Variants in OLFM2 observed in about 807,000 individuals in gnomAD.
OLFM2 encodes olfactomedin 2, also known as noelin-2.
OLFM2 carries 20 observed loss-of-function variants against 43.9 expected under a neutral mutation model. The ratio of observed to expected loss-of-function variants is 0.46; its 90% CI spans 0.32 to 0.66. The LOEUF (loss-of-function observed/expected upper bound fraction) is 0.66, where lower values mean the gene tolerates loss of function less well. Ranked by LOEUF, OLFM2 falls within the 30% of genes least tolerant of loss-of-function variation. OLFM2 has a pLI of 0.04. For synonymous variants in OLFM2, 268 were observed against 278.6 expected (o/e 0.96, Z 0.38); for missense variants, 416 against 643.6 (o/e 0.65, Z 3.83).
At chr19:9,911,926 T>G (rs2046830578) in intron 1 of OLFM2, among the ~76,000 whole-genome samples, 1 of 152,168 alleles carries the variant, frequency 6.6e-6, no homozygotes, top group African/African-American at 2.4e-5. Flanking sequence ...CATGCAATCT[T>G]GTAACACAGG....
chr19:9,936,397 C>T lies in OLFM2; in HGVS notation c.-31G>A, dbSNP rs1355754921. ...GCCCCTAGCCCGGCGTCCCGACCCC[C>T]GCCCGCCCTAGCGGCGCCTCGGCGC... On this transcript the variant is annotated 5_prime_UTR_variant, in exon 1 of 6. Coordinates refer to ENST00000264833, the MANE Select transcript of OLFM2 (RefSeq NM_058164.4). The T allele has an allele frequency of 8.1e-6, 11 of 1,360,036 alleles. No individual in the cohort carries two copies. Among genetic ancestry groups the T allele is most frequent in the South Asian group, 1.6e-5 (1 of 60,890 alleles). 84.2% of individuals were successfully genotyped at this position (1,360,036 alleles called of 1,614,324 possible). A position where few individuals can be genotyped will look rare whatever the true frequency, so the allele number is the denominator to read the frequency against.
chr19:9,854,262 T>C lies in OLFM2; in HGVS notation c.1289A>G (p.Tyr430Cys). ...CACCTGGTGGCCGTTGTTCCAGGTA[T>C]AGAGGGCGCGCTCCCGGGGGTTGTA... ...LDYNPRERAL[Y>C]TWNNGHQVLY... The change falls in exon 6 of 6, where the codon TAT becomes TGT. Residue 430 changes from tyrosine to cysteine, a missense_variant. Transcript: ENST00000264833. The surrounding 1 kb of genome is among the most constrained non-coding windows in gnomAD (Gnocchi z 9.5). The C allele has an allele frequency of 6.2e-7, 1 of 1,613,946 alleles. No homozygotes were observed. Among genetic ancestry groups the C allele is most frequent in the Non-Finnish European group, 8.5e-7 (1 of 1,179,998 alleles).
chr19:9,888,781 A>C (rs1163891768), intron 1 of OLFM2, among the ~76,000 whole-genome samples: 4 of 151,848 alleles, frequency 2.6e-5, no homozygotes, highest in Non-Finnish European at 4.4e-5. Context: ...TATTTTTAAA[A>C]TTCTGCCGGG....
In OLFM2 at chr19:9,888,901, C is replaced by A. The variant is rs577945247; in HGVS notation, c.64-28107G>T. ...CTAACACGGTGAAACCCCGTCTCTA[C>A]TAAAAATGTAAAAAATTAGCCGGGC... On this transcript the variant is annotated intron_variant, in intron 1 of 5. Transcript: ENST00000264833. Among the ~76,000 whole-genome samples, 575 of 152,004 alleles carry A rather than the reference C, an allele frequency of 3.8e-3. 5 individuals are homozygous for A. The highest frequency in any genetic ancestry group is 0.013 in the African/African-American group (550 of 41,502).
At chr19:9,921,107 T>C (rs747865622) in intron 1 of OLFM2, among the ~76,000 whole-genome samples, 1 of 152,116 alleles carries the variant, frequency 6.6e-6, no homozygotes, top group East Asian at 1.9e-4. Context: ...CTTTTGTTTG[T>C]TTTGGGATTT....
intron 1 of OLFM2, among the ~76,000 whole-genome samples, chr19:9,918,979 T>G (rs1364023551): frequency 6.6e-6 from 1 of 152,114 alleles, no homozygotes; most frequent in Non-Finnish European, 1.5e-5. Context: ...GAAAAGTCAC[T>G]CAATTGCACG....
intron 1 of OLFM2, chr19:9,913,653 C>T (rs1334983354): frequency 8.4e-7 from 1 of 1,196,704 alleles, no homozygotes; most frequent in South Asian, 2.3e-5. Context: ...CCGCCCGCCG[C>T]GCGTCCCTTC....
intron 1 of OLFM2, among the ~76,000 whole-genome samples, chr19:9,879,125 T>G (rs115626561): frequency 6.6e-6 from 1 of 152,118 alleles, no homozygotes; most frequent in Admixed American, 6.6e-5. Context: ...TGAGTTCTTA[T>G]GAGATCTCGC....
intron 1 of OLFM2, among the ~76,000 whole-genome samples, chr19:9,902,901 C>G (rs572532621): frequency 1.3e-5 from 2 of 150,848 alleles, no homozygotes; most frequent in Non-Finnish European, 2.9e-5. Flanking sequence ...TGGTCTTGAA[C>G]TCCTGAGCTC....
Position 9,860,665 on chromosome 19 carries a change from G to A in OLFM2, c.193C>T (p.Leu65=), listed in dbSNP as rs1455564957. Reference sequence around the variant, plus strand: ...CTCACCTTCTCCATCAGTTGCCGCAGCTCCCGACTCCTGCCATCTCGAGAG... The same window carrying A: ...CTCACCTTCTCCATCAGTTGCCGCAACTCCCGACTCCTGCCATCTCGAGAG... ...TCSRDGRSRE[L]RQLMEKVQNV... The change falls in exon 2 of 6, where the codon CTG becomes TTG. Residue 65 remains leucine (L), a synonymous_variant. Transcript: ENST00000264833. The A allele has an allele frequency of 2.5e-6, 4 of 1,592,076 alleles. No homozygotes were observed. Among genetic ancestry groups the A allele is most frequent in the Non-Finnish European group, 3.4e-6 (4 of 1,168,732 alleles).
At chr19:9,932,138 A>G (rs1464703127) in intron 1 of OLFM2, among the ~76,000 whole-genome samples, 1 of 152,100 alleles carries the variant, frequency 6.6e-6, no homozygotes, top group East Asian at 1.9e-4. Flanking sequence ...GAATAGAAGA[A>G]TCATAGAAAT....
chr19:9,908,989 A>G (rs997332677), intron 1 of OLFM2, among the ~76,000 whole-genome samples: 1 of 152,046 alleles, frequency 6.6e-6, no homozygotes, highest in African/African-American at 2.4e-5. Context: ...TACACATGTG[A>G]GCCCACTGTG....
intron 1 of OLFM2, among the ~76,000 whole-genome samples, chr19:9,875,543 T>C (rs1479740746): frequency 7.1e-6 from 1 of 141,678 alleles, no homozygotes; most frequent in African/African-American, 2.6e-5. Context: ...CAGGCTGGAG[T>C]GCAGTGGCAC....
intron 1 of OLFM2, among the ~76,000 whole-genome samples, chr19:9,889,244 T>C (rs931603447): frequency 1.3e-5 from 2 of 151,688 alleles, no homozygotes; most frequent in Non-Finnish European, 2.9e-5. Flanking sequence ...ACTGTGTGTT[T>C]TTTGTATTTT....
At chr19:9,902,663 G>T (rs1437609066) in intron 1 of OLFM2, among the ~76,000 whole-genome samples, 1 of 152,104 alleles carries the variant, frequency 6.6e-6, no homozygotes, top group East Asian at 1.9e-4. Context: ...GGGATTACAG[G>T]TGAGAGCCCA....
chr19:9,862,623 A>G (rs1297991349), intron 1 of OLFM2, among the ~76,000 whole-genome samples: 2 of 151,416 alleles, frequency 1.3e-5, no homozygotes, highest in Admixed American at 6.6e-5. Context: ...TGAGGCTGCA[A>G]TGAGCTATGG....
intron 1 of OLFM2, among the ~76,000 whole-genome samples, chr19:9,866,463 C>T (rs376967941): frequency 6.7e-6 from 1 of 150,268 alleles, no homozygotes; most frequent in African/African-American, 2.5e-5. Context: ...TGTCTCACCT[C>T]GGATGTGGCA....
At chr19:9,896,931 C>T (rs1195060328) in intron 1 of OLFM2, among the ~76,000 whole-genome samples, 4 of 152,132 alleles carry the variant, frequency 2.6e-5, no homozygotes. Context: ...GTGGCTCACA[C>T]CTATAATCCT....
chr19:9,871,444 G>A (rs779493775), intron 1 of OLFM2, among the ~76,000 whole-genome samples: 74 of 151,678 alleles, frequency 4.9e-4, no homozygotes, highest in Non-Finnish European at 8.0e-4. Flanking sequence ...GTGCTGGTGT[G>A]CTACTATGAT....
Sources: allele counts gnomAD v4.1 joint callset (sites outside exome capture counted in the v4.1 genomes callset), GRCh38; gene constraint gnomAD v4.1.1; non-coding constraint Gnocchi (gnomAD v3.1); transcripts MANE v1.5; gene names NCBI Gene and HGNC (gene_info 2026-07-23, HGNC 2026-07-21).